Variants in CLEC2L observed in about 807,000 individuals in gnomAD.
CLEC2L encodes the protein C-type lectin domain family 2, member L.
A neutral mutation model predicts 23.6 loss-of-function variants in CLEC2L; 14 were observed. The observed-to-expected ratio is 0.59, with a 90% confidence interval of 0.39 to 0.93. The LOEUF is 0.93. CLEC2L is among the 40% of genes least tolerant of loss of function. CLEC2L has a pLI of 0.00. For missense variants in CLEC2L, 264 were observed against 282.4 expected (o/e 0.93, Z 0.47); for synonymous variants, 114 against 121.3 (o/e 0.94, Z 0.40).
Position 139,524,087 on chromosome 7 carries a change from G to A in CLEC2L, c.160G>A (p.Gly54Ser). 1 of 1,227,582 alleles carries A rather than the reference G, an allele frequency of 8.1e-7. No individual in the cohort carries two copies. Among genetic ancestry groups the A allele is most frequent in the Non-Finnish European group, 1.0e-6 (1 of 982,604 alleles). The allele number at this position is 1,227,582 out of a possible 1,614,324, so 76.0% of individuals were successfully genotyped here. A position where few individuals can be genotyped will look rare whatever the true frequency, so the allele number is the denominator to read the frequency against. Residue 54 changes from glycine to serine, a missense_variant, in exon 1 of 5, where the codon GGC (glycine) becomes AGC (serine). Transcript: ENST00000422142. ...GCGGCGATCCGGGTCGGGCTACGAGGGCAGCACCAGCTGGAAGGCGGCCTT... is the reference window on the plus strand; with the variant it reads ...GCGGCGATCCGGGTCGGGCTACGAGAGCAGCACCAGCTGGAAGGCGGCCTT... ...LLRRSGSGYE[G>S]STSWKAALED...
chr7:139,538,294 A>C (rs1797686888), intron 2 of CLEC2L, among the ~76,000 whole-genome samples: 1 of 151,364 alleles, frequency 6.6e-6, no homozygotes, highest in Admixed American at 6.6e-5. Context: ...TTAGCTGGGC[A>C]TGGTGGTGTG....
intron 3 of CLEC2L, among the ~76,000 whole-genome samples, 177 bp from the exon 4 acceptor site, chr7:139,541,844 T>C (rs750554201): frequency 6.6e-6 from 1 of 152,250 alleles, no homozygotes; most frequent in Non-Finnish European, 1.5e-5. Context: ...GCAGCGTGAC[T>C]GCAGAGGATC....
intron 1 of CLEC2L, among the ~76,000 whole-genome samples, chr7:139,531,835 A>G (rs6467862): frequency 0.069 from 10,444 of 151,926 alleles, 1,159 homozygotes; most frequent in African/African-American, 0.24. Context: ...GCTTGAACCC[A>G]GGAGGTGGAG....
At chr7:139,543,290 T>C (rs1797763782) in intron 4 of CLEC2L, among the ~76,000 whole-genome samples, 1 of 152,170 alleles carries the variant, frequency 6.6e-6, no homozygotes, top group African/African-American at 2.4e-5. Context: ...TCAGGTCTGC[T>C]CTCTCAGAGT....
At chr7:139,525,269 G>A (rs71543334) in intron 1 of CLEC2L, among the ~76,000 whole-genome samples, 2 of 152,084 alleles carry the variant, frequency 1.3e-5, no homozygotes, top group Non-Finnish European at 2.9e-5. Context: ...AGGGGGTGGG[G>A]CAGTGGACCA....
At chr7:139,542,225 G>C in intron 4 of CLEC2L, 104 bp downstream of exon 4, 1 of 736,856 alleles carries the variant, frequency 1.4e-6, no homozygotes, top group Non-Finnish European at 2.2e-6. Context: ...TTTTGTGCTA[G>C]CTAGAGATAC....
chr7:139,541,579 T>G (rs1569428259), intron 3 of CLEC2L, among the ~76,000 whole-genome samples: 1 of 152,184 alleles, frequency 6.6e-6, no homozygotes, highest in South Asian at 2.1e-4. Flanking sequence ...CAGTATGATA[T>G]CCCCAGTCTG....
Position 139,536,281 on chromosome 7 carries a change from C to G in CLEC2L, c.198C>G (p.Thr66=), listed in dbSNP as rs1206043287. The G allele has an allele frequency of 2.3e-5, 36 of 1,551,212 alleles. No individual in the cohort carries two copies. The highest frequency in any genetic ancestry group is 2.9e-5 in the Non-Finnish European group (33 of 1,146,790). The stretch of plus-strand genomic sequence containing the variant: ...CCCTCTCTCTTCTCCTAGACACCAC[C>G]ACACGCCTCCTGCTGGGTGCCATCG... ...TSWKAALEDT[T]TRLLLGAIAV... is the part of the protein sequence containing the mutation. Residue 66 remains threonine, a synonymous_variant, in exon 2 of 5, where the codon ACC becomes ACG. Coordinates refer to ENST00000422142, the MANE Select transcript of CLEC2L (RefSeq NM_001080511.4).
chr7:139,531,463 A>G (rs979854538), intron 1 of CLEC2L, among the ~76,000 whole-genome samples: 4 of 152,242 alleles, frequency 2.6e-5, no homozygotes, highest in African/African-American at 9.6e-5. Flanking sequence ...GTTCCACGAA[A>G]TAGAGCAAAA....
intron 1 of CLEC2L, among the ~76,000 whole-genome samples, chr7:139,526,614 A>C (rs530318562): frequency 6.6e-6 from 1 of 152,310 alleles, no homozygotes; most frequent in South Asian, 2.1e-4. Flanking sequence ...CAGGAAGCAG[A>C]GCATCTGGTA....
In CLEC2L at chr7:139,544,289, A is replaced by T. The variant is rs1257404812; in HGVS notation, c.592A>T (p.Thr198Ser). ...VFVEPTRLVS[T>S]ECLMTRPWVC... ...CGTGGAGCCCACCAGGCTGGTGTCG[A>T]CGGAGTGTCTGATGACCCGGCCCTG... The change falls in exon 5 of 5, where the codon ACG (threonine) becomes TCG (serine). Residue 198 changes from threonine (T) to serine (S), a missense_variant. By Grantham distance (58) the Thr-to-Ser change is moderately conservative (BLOSUM62 1). Transcript: ENST00000422142. 9 of 1,613,534 alleles carry T rather than the reference A, an allele frequency of 5.6e-6. No homozygotes were observed. Among genetic ancestry groups the T allele is most frequent in the Non-Finnish European group, 7.6e-6 (9 of 1,179,726 alleles).
intron 1 of CLEC2L, among the ~76,000 whole-genome samples, chr7:139,529,832 C>T (rs763471902): frequency 1.3e-5 from 2 of 152,018 alleles, no homozygotes; most frequent in Non-Finnish European, 2.9e-5. Flanking sequence ...TTTGGGAGGC[C>T]GAGGTGGGTG....
chr7:139,525,715 C>G (rs549344821), intron 1 of CLEC2L, among the ~76,000 whole-genome samples: 3 of 152,156 alleles, frequency 2.0e-5, no homozygotes, highest in Non-Finnish European at 2.9e-5. Context: ...AACCCCAGCC[C>G]CCATGGTAGG....
intron 3 of CLEC2L, among the ~76,000 whole-genome samples, 191 bp from the exon 4 acceptor site, chr7:139,541,830 T>C (rs1797739375): frequency 1.3e-5 from 2 of 152,220 alleles, no homozygotes; most frequent in Non-Finnish European, 2.9e-5. Context: ...GGAGCCGAAT[T>C]CTGGCAGCGT....
At chr7:139,533,884 T>C (rs888845457) in intron 1 of CLEC2L, among the ~76,000 whole-genome samples, 11 of 152,206 alleles carry the variant, frequency 7.2e-5, no homozygotes, top group South Asian at 2.1e-4. Flanking sequence ...CAGACAAACA[T>C]TGAGCTGCAG....
chr7:139,533,645 T>G (rs77043264), intron 1 of CLEC2L, among the ~76,000 whole-genome samples: 3,338 of 152,310 alleles, frequency 0.022, 122 homozygotes, highest in African/African-American at 0.076. Context: ...TGTGAGCCAC[T>G]GCGCTCTGCA....
intron 1 of CLEC2L, among the ~76,000 whole-genome samples, chr7:139,528,948 G>A (rs1797542068): frequency 6.6e-6 from 1 of 152,208 alleles, no homozygotes; most frequent in South Asian, 2.1e-4. Context: ...TCTTCCCTGT[G>A]TGGTCTTTCC....
chr7:139,536,459 C>T (rs898526132), intron 2 of CLEC2L, 111 bp downstream of exon 2: 103 of 900,450 alleles, frequency 1.1e-4, no homozygotes, highest in Non-Finnish European at 1.6e-4. Context: ...CTGTGGGGGA[C>T]TAAATAAGTA....
At chr7:139,542,979 T>C (rs905064252) in intron 4 of CLEC2L, among the ~76,000 whole-genome samples, 1 of 151,762 alleles carries the variant, frequency 6.6e-6, no homozygotes, top group African/African-American at 2.4e-5. Flanking sequence ...GGGCATGGGG[T>C]GGGGTGGGGA....
Sources: allele counts gnomAD v4.1 joint callset (sites outside exome capture counted in the v4.1 genomes callset), GRCh38; gene constraint gnomAD v4.1.1; transcripts MANE v1.5; gene names NCBI Gene and HGNC (gene_info 2026-07-23, HGNC 2026-07-21).